PDE4B: variants seen among roughly 807,000 people sequenced by gnomAD.
PDE4B encodes the protein 3',5'-cyclic-AMP phosphodiesterase 4B.
A neutral mutation model predicts 82.2 loss-of-function variants in PDE4B; 20 were observed. That is an observed-to-expected ratio of 0.24 (90% CI 0.17 to 0.35). PDE4B has a LOEUF of 0.35. PDE4B is among the 10% of genes least tolerant of loss of function. The pLI is 1.00. For synonymous variants in PDE4B, 320 were observed against 318.9 expected (o/e 1.00, Z -0.04); for missense variants, 655 against 907.2 (o/e 0.72, Z 3.57).
At chr1:66,078,378 T>A (rs921168114) in intron 3 of PDE4B, among the ~76,000 whole-genome samples, 1 of 151,982 alleles carries the variant, frequency 6.6e-6, no homozygotes. Context: ...TATTATTATT[T>A]TTTGTATTTT....
chr1:66,371,376 T>C (rs369565764), intron 16 of PDE4B, among the ~76,000 whole-genome samples: 15 of 151,680 alleles, frequency 9.9e-5, no homozygotes, highest in African/African-American at 3.4e-4. Flanking sequence ...ATTCAACTAG[T>C]GCCTGTTCTT....
intron 1 of PDE4B, among the ~76,000 whole-genome samples, chr1:65,909,708 T>C (rs1647065723): frequency 6.6e-6 from 1 of 152,220 alleles, no homozygotes; most frequent in African/African-American, 2.4e-5. Context: ...ATGAAGCATA[T>C]GGTGTTTTGC....
intron 3 of PDE4B, among the ~76,000 whole-genome samples, chr1:66,146,367 T>C (rs1646273005): frequency 6.6e-6 from 1 of 151,898 alleles, no homozygotes; most frequent in Non-Finnish European, 1.5e-5. Flanking sequence ...GTATTTTTAG[T>C]GGAGATGGGG....
intron 1 of PDE4B, among the ~76,000 whole-genome samples, chr1:65,821,319 T>G (rs1440617699): frequency 2.0e-5 from 3 of 152,234 alleles, no homozygotes; most frequent in Non-Finnish European, 4.4e-5. Context: ...AGTACAAGGG[T>G]GCCCCTTGGT....
intron 7 of PDE4B, among the ~76,000 whole-genome samples, chr1:66,309,564 G>A (rs575391253): frequency 9.3e-4 from 142 of 152,276 alleles, no homozygotes; most frequent in African/African-American, 3.0e-3. Context: ...ACCCAGATAC[G>A]TAGCACCACA....
intron 3 of PDE4B, among the ~76,000 whole-genome samples, chr1:66,079,548 G>T (rs1656617591): frequency 6.6e-6 from 1 of 152,076 alleles, no homozygotes; most frequent in Non-Finnish European, 1.5e-5. Context: ...CCAAATTCCA[G>T]CAAATTAAAG....
intron 7 of PDE4B, among the ~76,000 whole-genome samples, chr1:66,300,026 A>G (rs915120984): frequency 6.6e-6 from 1 of 152,178 alleles, no homozygotes; most frequent in Non-Finnish European, 1.5e-5. Context: ...TATTGGAAAA[A>G]TTGGCACTAT....
intron 8 of PDE4B, among the ~76,000 whole-genome samples, chr1:66,345,575 C>T (rs746516686): frequency 6.6e-6 from 1 of 152,178 alleles, no homozygotes; most frequent in African/African-American, 2.4e-5. Flanking sequence ...AGCAGTTACA[C>T]TAGCTGTAGA....
chr1:66,219,095 C>T, intron 3 of PDE4B, among the ~76,000 whole-genome samples: 1 of 152,118 alleles, frequency 6.6e-6, no homozygotes, highest in East Asian at 1.9e-4. Context: ...TCACATGGTT[C>T]TACTATAATG....
At chr1:65,952,186 G>A (rs1649033657) in intron 3 of PDE4B, among the ~76,000 whole-genome samples, 2 of 151,998 alleles carry the variant, frequency 1.3e-5, no homozygotes, top group Admixed American at 1.3e-4. Context: ...TGTGAGGCCC[G>A]CTAAAGTTTG....
intron 9 of PDE4B, among the ~76,000 whole-genome samples, chr1:66,357,029 T>C (rs555188376): frequency 6.6e-6 from 1 of 152,364 alleles, no homozygotes; most frequent in South Asian, 2.1e-4. Context: ...CCCTGCTCTG[T>C]GTAATGCCCA....
intron 3 of PDE4B, among the ~76,000 whole-genome samples, chr1:66,173,925 C>T (rs1051694171): frequency 6.6e-6 from 1 of 151,998 alleles, no homozygotes; most frequent in Non-Finnish European, 1.5e-5. Flanking sequence ...TAGCAGGAGC[C>T]ACGGGCTTGT....
chr1:66,328,184 T>A (rs1373137551), intron 7 of PDE4B, among the ~76,000 whole-genome samples: 3 of 152,240 alleles, frequency 2.0e-5, no homozygotes, highest in Non-Finnish European at 4.4e-5. Context: ...CAGAGTCAAA[T>A]GCAATACCCA....
intron 3 of PDE4B, among the ~76,000 whole-genome samples, chr1:65,935,270 T>C (rs1352236518): frequency 6.6e-6 from 1 of 152,008 alleles, no homozygotes; most frequent in East Asian, 1.9e-4. Context: ...TATTCTTCGC[T>C]TAATGGGTCA....
chr1:66,265,855 A>G (rs1345117194), intron 6 of PDE4B, among the ~76,000 whole-genome samples, 183 bp from the exon 7 acceptor site: 1 of 152,130 alleles, frequency 6.6e-6, no homozygotes, highest in Non-Finnish European at 1.5e-5. Flanking sequence ...GGCCATCTGG[A>G]TGTGAGAGAA....
intron 7 of PDE4B, among the ~76,000 whole-genome samples, chr1:66,277,291 A>C (rs1315095022): frequency 2.0e-5 from 3 of 152,366 alleles, no homozygotes; most frequent in African/African-American, 7.2e-5. Context: ...GTAGACATGT[A>C]GATTTTACTG....
At chr1:65,826,963 A>G (rs1646025714) in intron 1 of PDE4B, among the ~76,000 whole-genome samples, 1 of 152,202 alleles carries the variant, frequency 6.6e-6, no homozygotes. Flanking sequence ...CTTTTGAGAG[A>G]GGTGCAAAGG....
chr1:66,051,697 T>C (rs1181039147), intron 3 of PDE4B, among the ~76,000 whole-genome samples: 1 of 152,106 alleles, frequency 6.6e-6, no homozygotes, highest in Non-Finnish European at 1.5e-5. Flanking sequence ...AGGGTTGATA[T>C]TATTTGGTTA....
At chr1:65,987,523 T>C (rs549187836) in intron 3 of PDE4B, among the ~76,000 whole-genome samples, 3 of 152,236 alleles carry the variant, frequency 2.0e-5, no homozygotes, top group Non-Finnish European at 2.9e-5. Context: ...TGGTGAAGTA[T>C]AATAAAATGG....
Sources: gnomAD v4.1 joint callset for allele counts (sites outside exome capture counted in the v4.1 genomes callset) on GRCh38, gnomAD v4.1.1 for gene constraint, MANE v1.5 for transcripts, NCBI Gene and HGNC (gene_info 2026-07-23, HGNC 2026-07-21) for gene names.